Variants in TMEM135 observed in about 807,000 individuals in gnomAD.
TMEM135 encodes the protein peroxisomal membrane protein 52.
Under a neutral mutation model 60.3 loss-of-function variants are expected in TMEM135, and 30 were observed. The observed-to-expected ratio is 0.50, with a 90% CI of 0.37 to 0.68. The LOEUF (loss-of-function observed/expected upper bound fraction) is 0.68. Among genes scored for constraint, TMEM135 ranks in the 30% least tolerant of loss-of-function variants. TMEM135 has a pLI of 0.00. For missense variants in TMEM135, 468 were observed against 548.8 expected (o/e 0.85, Z 1.47); for synonymous variants, 190 against 186.7 (o/e 1.02, Z -0.14).
intron 4 of TMEM135, among the ~76,000 whole-genome samples, chr11:87,094,521 C>G (rs565821315): frequency 2.0e-5 from 3 of 152,262 alleles, no homozygotes; most frequent in East Asian, 3.9e-4. Flanking sequence ...ATTCCCTCCG[C>G]CTAGTCTTTC....
intron 4 of TMEM135, among the ~76,000 whole-genome samples, chr11:87,157,066 TTTC>T (rs1206253546): frequency 2.3e-5 from 3 of 129,872 alleles, no homozygotes; most frequent in Non-Finnish European, 4.7e-5. Context: ...TCTTTCTTTC[TTTC>T]TTTTGTTTTT....
chr11:87,069,701 A>T (rs1045198235), intron 2 of TMEM135, among the ~76,000 whole-genome samples: 2 of 152,226 alleles, frequency 1.3e-5, no homozygotes, highest in African/African-American at 4.8e-5. Context: ...TTCTCCCTAT[A>T]ACTGATTCAC....
intron 4 of TMEM135, among the ~76,000 whole-genome samples, chr11:87,148,152 TA>T (rs549947368): frequency 1.3e-5 from 2 of 152,340 alleles, no homozygotes; most frequent in South Asian, 4.1e-4. Context: ...TTAGATGTAA[TA>T]AAAACTCAAA....
intron 5 of TMEM135, among the ~76,000 whole-genome samples, chr11:87,176,785 A>G (rs1183941219): frequency 6.6e-6 from 1 of 152,096 alleles, no homozygotes; most frequent in Non-Finnish European, 1.5e-5. Context: ...GGAGTGAGTG[A>G]ATGAGAGGGG....
chr11:87,319,115 C>A (rs529231644), intron 13 of TMEM135, 195 bp from the exon 14 acceptor site: 1 of 555,108 alleles, frequency 1.8e-6, no homozygotes, highest in Non-Finnish European at 3.2e-6. Flanking sequence ...GTAATCTGCC[C>A]GCCTCGGCCT....
At chr11:87,296,609 CA>C (rs1333613481) in intron 7 of TMEM135, among the ~76,000 whole-genome samples, 2 of 152,192 alleles carry the variant, frequency 1.3e-5, no homozygotes, top group East Asian at 1.9e-4. Flanking sequence ...TCAGTACTAG[CA>C]AAAGTTTTTA....
intron 5 of TMEM135, among the ~76,000 whole-genome samples, chr11:87,185,079 C>T (rs375616158): frequency 8.5e-5 from 13 of 152,270 alleles, no homozygotes; most frequent in African/African-American, 1.4e-4. Flanking sequence ...TACCTTCCCT[C>T]AATAATTTTG....
At chr11:87,276,610 C>T (rs1478902862) in intron 6 of TMEM135, among the ~76,000 whole-genome samples, 2 of 149,428 alleles carry the variant, frequency 1.3e-5, no homozygotes, top group South Asian at 4.2e-4. Flanking sequence ...TTGAATGTAA[C>T]GCATAGAATT....
intron 1 of TMEM135, among the ~76,000 whole-genome samples, chr11:87,049,563 CAAAG>C (rs1332110636): frequency 7.9e-6 from 1 of 126,370 alleles, no homozygotes; most frequent in Non-Finnish European, 1.7e-5. Flanking sequence ...TCAAAAGAGA[CAAAG>C]AAGGCCATTA....
chr11:87,306,877 A>G (rs1378474969), intron 9 of TMEM135, among the ~76,000 whole-genome samples: 1 of 151,784 alleles, frequency 6.6e-6, no homozygotes, highest in Non-Finnish European at 1.5e-5. Flanking sequence ...ACCCATCATC[A>G]TGCCTGGCTA....
intron 10 of TMEM135, 139 bp from the exon 11 acceptor site, chr11:87,313,286 T>A (rs1362374685): frequency 7.6e-6 from 5 of 655,796 alleles, no homozygotes; most frequent in South Asian, 3.7e-5. Context: ...TCCAATCATG[T>A]ATGCAGTTTG....
intron 4 of TMEM135, among the ~76,000 whole-genome samples, chr11:87,134,461 C>T (rs1047816448): frequency 1.3e-5 from 2 of 152,058 alleles, no homozygotes; most frequent in African/African-American, 2.4e-5. Context: ...ATGGAGAGCA[C>T]ATGTCTAGTA....
chr11:87,289,246 G>A (rs934269066), intron 6 of TMEM135, among the ~76,000 whole-genome samples: 3 of 151,870 alleles, frequency 2.0e-5, no homozygotes, highest in Non-Finnish European at 4.4e-5. Context: ...ATTAGATCTG[G>A]GTAATTGGCA....
intron 6 of TMEM135, among the ~76,000 whole-genome samples, chr11:87,244,297 T>C: frequency 1.4e-5 from 1 of 70,592 alleles, no homozygotes; most frequent in Admixed American, 1.2e-4. Flanking sequence ...ATCAAGGATA[T>C]TGGTCTAAAA....
chr11:87,140,563 G>C (rs1209746272), intron 4 of TMEM135, among the ~76,000 whole-genome samples: 1 of 152,184 alleles, frequency 6.6e-6, no homozygotes, highest in African/African-American at 2.4e-5. Flanking sequence ...ATGGGGGACA[G>C]TCAATGTCAC....
intron 6 of TMEM135, among the ~76,000 whole-genome samples, chr11:87,272,587 A>T (rs1283914869): frequency 6.6e-6 from 1 of 152,040 alleles, no homozygotes; most frequent in Non-Finnish European, 1.5e-5. Flanking sequence ...CAGTCTCCTG[A>T]GTAGCTGGGA....
chr11:87,213,650 A>G (rs903231371), intron 5 of TMEM135, among the ~76,000 whole-genome samples: 5 of 152,110 alleles, frequency 3.3e-5, no homozygotes, highest in South Asian at 2.1e-4. Context: ...CCATATTAGT[A>G]GGTAGTTTCT....
intron 6 of TMEM135, among the ~76,000 whole-genome samples, chr11:87,278,153 C>T (rs948922413): frequency 1.3e-5 from 2 of 152,096 alleles, no homozygotes; most frequent in African/African-American, 4.8e-5. Flanking sequence ...ACCTTGTATC[C>T]TTTGCTAGCC....
At chr11:87,097,460 T>TGAA (rs1372769325) in intron 4 of TMEM135, among the ~76,000 whole-genome samples, 1 of 152,218 alleles carries the variant, frequency 6.6e-6, no homozygotes, top group Non-Finnish European at 1.5e-5. Flanking sequence ...CATCACAAGG[T>TGAA]GAAGTGTGAC....
Sources: allele counts gnomAD v4.1 joint callset (sites outside exome capture counted in the v4.1 genomes callset), GRCh38; gene constraint gnomAD v4.1.1; transcripts MANE v1.5; gene names NCBI Gene and HGNC (gene_info 2026-07-23, HGNC 2026-07-21).